The following PHACTR3 variants were observed in gnomAD, a reference collection of about 807,000 sequenced individuals.
The protein encoded by PHACTR3 is phosphatase and actin regulator 3.
PHACTR3 carries 16 observed loss-of-function variants against 66.8 expected under a neutral mutation model. The observed-to-expected ratio is 0.24, with a 90% CI of 0.16 to 0.36. PHACTR3 has a LOEUF of 0.36. PHACTR3 is among the 10% of genes least tolerant of loss of function. The pLI is 1.00. For missense variants in PHACTR3, 647 were observed against 719.9 expected (o/e 0.90, Z 1.16); for synonymous variants, 323 against 292.1 (o/e 1.11, Z -1.08).
chr20:59,636,564 G>A (rs1387115756), intron 1 of PHACTR3, among the ~76,000 whole-genome samples: 2 of 152,272 alleles, frequency 1.3e-5, no homozygotes, highest in East Asian at 3.9e-4. Context: ...GACCTGGTCT[G>A]GATCGGGGCT....
chr20:59,837,500 C>A (rs909155688), intron 9 of PHACTR3, among the ~76,000 whole-genome samples: 3 of 152,124 alleles, frequency 2.0e-5, no homozygotes, highest in African/African-American at 7.2e-5. Context: ...AAAACAATCC[C>A]CTCCTTTATA....
intron 1 of PHACTR3, among the ~76,000 whole-genome samples, chr20:59,619,032 G>A (rs1471194614): frequency 6.6e-6 from 1 of 152,206 alleles, no homozygotes; most frequent in African/African-American, 2.4e-5. Flanking sequence ...GAGCAGGGAT[G>A]CTGGCAGGGG....
intron 1 of PHACTR3, among the ~76,000 whole-genome samples, chr20:59,703,197 C>G (rs2037569342): frequency 6.6e-6 from 1 of 152,052 alleles, no homozygotes; most frequent in Admixed American, 6.6e-5. Flanking sequence ...GCATGAATAG[C>G]CTTTTTTTTC....
At chr20:59,599,690 C>G (rs1057310394), upstream of PHACTR3, among the ~76,000 whole-genome samples, 5 of 151,900 alleles carry the variant, frequency 3.3e-5, no homozygotes, top group Admixed American at 3.3e-4. Flanking sequence ...AACTAGAAAA[C>G]AAAACAAAAC....
At chr20:59,762,052 G>T (rs140134327) in intron 4 of PHACTR3, among the ~76,000 whole-genome samples, 1 of 152,234 alleles carries the variant, frequency 6.6e-6, no homozygotes, top group South Asian at 2.1e-4. Flanking sequence ...TGCAGAGGGC[G>T]GTGTCAGAGA....
chr20:59,788,815 C>T (rs557129300), intron 7 of PHACTR3, among the ~76,000 whole-genome samples: 70 of 152,286 alleles, frequency 4.6e-4, no homozygotes, highest in African/African-American at 1.7e-3. Context: ...ATGTCATCTC[C>T]ATGTTTCCAC....
At chr20:59,681,970 A>G (rs1458057074) in intron 1 of PHACTR3, among the ~76,000 whole-genome samples, 1 of 151,510 alleles carries the variant, frequency 6.6e-6, no homozygotes, top group East Asian at 1.9e-4. Context: ...AGATCGTGCC[A>G]TTGCACCCCA....
intron 1 of PHACTR3, among the ~76,000 whole-genome samples, chr20:59,685,791 G>A (rs987954654): frequency 4.6e-5 from 7 of 152,156 alleles, no homozygotes; most frequent in African/African-American, 9.7e-5. Flanking sequence ...TTTTAGAGTG[G>A]CTTCCCCGCC....
At chr20:59,743,418 A>C (rs2039247719) in intron 2 of PHACTR3, 150 bp downstream of exon 2, 7 of 1,152,812 alleles carry the variant, frequency 6.1e-6, no homozygotes, top group Non-Finnish European at 8.4e-6. Context: ...GAGCCATGCA[A>C]GTTACCCCGC....
intron 1 of PHACTR3, among the ~76,000 whole-genome samples, chr20:59,584,055 G>A (rs1370762901): frequency 6.6e-6 from 1 of 152,220 alleles, no homozygotes; most frequent in African/African-American, 2.4e-5. Context: ...GACAAACTGT[G>A]GGTCAAAGGA....
intron 1 of PHACTR3, among the ~76,000 whole-genome samples, chr20:59,717,711 G>A (rs1319655933): frequency 6.6e-6 from 1 of 152,130 alleles, no homozygotes; most frequent in Non-Finnish European, 1.5e-5. Flanking sequence ...CTCTAAAGAA[G>A]AAAACTACTT....
At chr20:59,722,235 A>C (rs776497601) in intron 1 of PHACTR3, among the ~76,000 whole-genome samples, 31 of 152,082 alleles carry the variant, frequency 2.0e-4, no homozygotes, top group Non-Finnish European at 2.5e-4. Context: ...CTGTCTCAAA[A>C]AAAAAAGTAA....
chr20:59,779,538 C>G (rs573591742), intron 7 of PHACTR3, among the ~76,000 whole-genome samples: 1 of 152,346 alleles, frequency 6.6e-6, no homozygotes, highest in Non-Finnish European at 1.5e-5. Context: ...AAGCAGAAAG[C>G]ACCAGGCAGC....
intron 11 of PHACTR3, chr20:59,843,562 G>A (rs1336133439): frequency 6.6e-6 from 1 of 152,056 alleles, no homozygotes; most frequent in Non-Finnish European, 1.5e-5. Context: ...TTTGACAAAG[G>A]TGCCAAGAAC....
intron 1 of PHACTR3, among the ~76,000 whole-genome samples, chr20:59,642,009 T>C (rs943414260): frequency 1.3e-5 from 2 of 152,196 alleles, no homozygotes; most frequent in African/African-American, 4.8e-5. Flanking sequence ...ATGGCTGTCC[T>C]AGCTCCTGGG....
At chr20:59,815,429 T>G (rs79310312) in intron 8 of PHACTR3, among the ~76,000 whole-genome samples, 40 of 149,580 alleles carry the variant, frequency 2.7e-4, no homozygotes, top group Admixed American at 3.3e-4. Context: ...TTTTTTTTTT[T>G]TTGTTTTTTT....
intron 1 of PHACTR3, among the ~76,000 whole-genome samples, chr20:59,678,253 A>G (rs1294438034): frequency 3.3e-5 from 5 of 152,136 alleles, no homozygotes; most frequent in Non-Finnish European, 7.4e-5. Context: ...CAGGGCTTCA[A>G]CACATCGTTG....
At chr20:59,617,382 C>G (rs1306824537) in intron 1 of PHACTR3, among the ~76,000 whole-genome samples, 2 of 152,160 alleles carry the variant, frequency 1.3e-5, no homozygotes, top group Non-Finnish European at 1.5e-5. Context: ...TGGGCAGGAG[C>G]CCGAGTGTGA....
chr20:59,748,611 G>T (rs551922019), intron 3 of PHACTR3, among the ~76,000 whole-genome samples: 1 of 152,310 alleles, frequency 6.6e-6, no homozygotes, highest in Admixed American at 6.5e-5. Context: ...TGAGGCCCAG[G>T]ACTTAGATGC....
Sources: gnomAD v4.1 joint callset for allele counts (sites outside exome capture counted in the v4.1 genomes callset) on GRCh38, gnomAD v4.1.1 for gene constraint, MANE v1.5 for transcripts, NCBI Gene and HGNC (gene_info 2026-07-23, HGNC 2026-07-21) for gene names.